ANKRD26: variants seen among roughly 807,000 people sequenced by gnomAD.
ANKRD26 encodes ankyrin repeat domain-containing protein 26.
Under a neutral mutation model 208.7 loss-of-function variants are expected in ANKRD26, and 141 were observed. The ratio of observed to expected loss-of-function variants is 0.68; its 90% CI spans 0.59 to 0.78. The LOEUF is 0.78. ANKRD26 is among the 30% of genes least tolerant of loss of function. The pLI, the probability that ANKRD26 is intolerant of heterozygous loss-of-function variation, is 0.00. For missense variants in ANKRD26, 1,889 were observed against 1,938.7 expected (o/e 0.97, Z 0.48); for synonymous variants, 636 against 660.4 (o/e 0.96, Z 0.57).
the ANKRD26 span, among the ~76,000 whole-genome samples, chr10:26,952,149 T>C: frequency 1.1e-3 from 162 of 152,296 alleles, no homozygotes; most frequent in Middle Eastern, 0.017. Flanking sequence ...CTGATTGACC[T>C]GACTTGCTTG....
At chr10:27,022,906 T>C (rs1033100739) in intron 28 of ANKRD26, among the ~76,000 whole-genome samples, 12 of 151,758 alleles carry the variant, frequency 7.9e-5, no homozygotes, top group African/African-American at 2.7e-4. Flanking sequence ...AGATAAAGAG[T>C]TAACATTAAA....
At chr10:27,078,057 T>C (rs1015428312) in intron 7 of ANKRD26, among the ~76,000 whole-genome samples, 2 of 152,218 alleles carry the variant, frequency 1.3e-5, no homozygotes, top group Admixed American at 1.3e-4. Flanking sequence ...TAATTACATA[T>C]TATTTTCTGA....
At chr10:26,983,601 T>C (rs1168257088) in intron 3 of ANKRD26, among the ~76,000 whole-genome samples, 2 of 152,318 alleles carry the variant, frequency 1.3e-5, no homozygotes, top group East Asian at 3.9e-4. Flanking sequence ...GGAGCATTTT[T>C]AGCTGAGTTG....
intron 16 of ANKRD26, chr10:27,051,408 T>A: frequency 8.6e-7 from 1 of 1,164,490 alleles, no homozygotes; most frequent in Middle Eastern, 2.6e-4. Context: ...TGGATCACTA[T>A]ACTGAGGCAC....
chr10:26,957,924 T>C, the ANKRD26 span, among the ~76,000 whole-genome samples: 1 of 152,120 alleles, frequency 6.6e-6, no homozygotes, highest in Admixed American at 6.6e-5. Flanking sequence ...GGAGGACTTT[T>C]AAGGGTCACC....
At chr10:27,099,647 C>A (rs930741416) in intron 1 of ANKRD26, among the ~76,000 whole-genome samples, 5 of 151,872 alleles carry the variant, frequency 3.3e-5, no homozygotes, top group African/African-American at 1.2e-4. Flanking sequence ...TCCCGAAGTG[C>A]TGTGATTACA....
At chr10:27,036,731 T>C (rs959905077) in intron 23 of ANKRD26, among the ~76,000 whole-genome samples, 1 of 152,156 alleles carries the variant, frequency 6.6e-6, no homozygotes, top group Non-Finnish European at 1.5e-5. Context: ...ACCATTACTC[T>C]TCTCAACAGT....
At position 27,067,054 on chromosome 10, in the gene ANKRD26, G is replaced by C. The variant is rs2055277460; in HGVS notation, c.1207+103C>G. 2.2e-6 allele frequency: 3 copies of C among 1,346,144 alleles called. No individual in the cohort carries two copies. The African/African-American group carries it at 4.3e-5, about 19-fold the overall frequency. The allele number at this position is 1,346,144 out of a possible 1,614,324, so 83.4% of individuals were successfully genotyped here. On this transcript the variant is annotated intron_variant, in intron 10 of 33. Transcript: ENST00000376087. ...ACTCCTGACCTCAGGTGATCCACCT[G>C]CCTCAGCCTCCCAAAGTGCTGGGAT...
At chr10:27,021,560 G>A (rs996123914) in intron 29 of ANKRD26, among the ~76,000 whole-genome samples, 8 of 152,036 alleles carry the variant, frequency 5.3e-5, no homozygotes, top group South Asian at 4.1e-4. Context: ...CATTTTTTCC[G>A]TATACCTTTT....
At chr10:26,949,195 T>C in the ANKRD26 span, among the ~76,000 whole-genome samples, 1 of 152,288 alleles carries the variant, frequency 6.6e-6, no homozygotes, top group Non-Finnish European at 1.5e-5. Flanking sequence ...TAGTGATTAA[T>C]ACCTTGCCAA....
At chr10:27,071,384 C>T (rs2055490075) in intron 9 of ANKRD26, among the ~76,000 whole-genome samples, 1 of 151,236 alleles carries the variant, frequency 6.6e-6, no homozygotes, top group Non-Finnish European at 1.5e-5. Flanking sequence ...CCGTGTTGGC[C>T]AGGATGGTCT....
intron 12 of ANKRD26, among the ~76,000 whole-genome samples, chr10:27,063,038 G>A (rs910119671): frequency 3.3e-5 from 5 of 152,038 alleles, no homozygotes; most frequent in East Asian, 1.9e-4. Context: ...GATTACAGGC[G>A]TGAGCCACCG....
At chr10:26,978,828 A>C (rs1372957559) in intron 5 of ANKRD26, among the ~76,000 whole-genome samples, 1 of 152,228 alleles carries the variant, frequency 6.6e-6, no homozygotes, top group South Asian at 2.1e-4. Flanking sequence ...TCTGCTTGTC[A>C]GAGTTCTAGA....
chr10:27,081,431 C>T (rs2055900942), intron 6 of ANKRD26, among the ~76,000 whole-genome samples: 1 of 152,012 alleles, frequency 6.6e-6, no homozygotes, highest in Non-Finnish European at 1.5e-5. Context: ...AAATATTAAC[C>T]TGTAGGATGA....
rs118054176 is a variant in ANKRD26, at chr10:27,014,464, T to C, written c.4724+30A>G. 2.6e-4 allele frequency: 378 copies of C among 1,471,838 alleles called. 2 individuals are homozygous for C. The East Asian group carries it at 7.6e-3, about 29-fold the overall frequency. The allele number at this position is 1,471,838 out of a possible 1,614,324, so 91.2% of individuals were successfully genotyped here. On this transcript the variant is annotated intron_variant, in intron 31 of 33. Coordinates refer to ENST00000376087, the MANE Select transcript of ANKRD26 (RefSeq NM_014915.3). ...TCAAGGCAAATTAATGAGCTTAATT[T>C]ATTTCCTATGATTCTATATTTTGAC...
chr10:27,062,595 C>T (rs948992645), intron 12 of ANKRD26, among the ~76,000 whole-genome samples: 1 of 152,188 alleles, frequency 6.6e-6, no homozygotes, highest in Admixed American at 6.5e-5. Context: ...TGTCAAGCTC[C>T]TCCCTACTAT....
At chr10:27,003,569 A>G (rs2052773539), downstream of ANKRD26, among the ~76,000 whole-genome samples, 1 of 152,228 alleles carries the variant, frequency 6.6e-6, no homozygotes, top group Non-Finnish European at 1.5e-5. Flanking sequence ...TTAACCATGG[A>G]CAAACATGGC....
intron 30 of ANKRD26, among the ~76,000 whole-genome samples, chr10:27,016,566 C>T (rs544946054): frequency 1.4e-5 from 2 of 147,846 alleles, no homozygotes; most frequent in South Asian, 2.2e-4. Flanking sequence ...CATGAGCCAC[C>T]GTGCCCAGCT....
chr10:27,029,197 T>A, intron 26 of ANKRD26, 89 bp downstream of exon 26: 1 of 1,431,760 alleles, frequency 7.0e-7, no homozygotes, highest in East Asian at 2.4e-5. Context: ...CAGATGTACT[T>A]ATGATCATAG....
Sources: allele counts gnomAD v4.1 joint callset (sites outside exome capture counted in the v4.1 genomes callset), GRCh38; gene constraint gnomAD v4.1.1; transcripts MANE v1.5; gene names NCBI Gene and HGNC (gene_info 2026-07-23, HGNC 2026-07-21).